The following WWC2 variants were observed in gnomAD, a reference collection of about 807,000 sequenced individuals.
WWC2 encodes the protein WW and C2 domain containing 2, also known as protein WWC2.
WWC2 carries 101 observed loss-of-function variants against 138.5 expected under a neutral mutation model. The observed-to-expected ratio is 0.73, with a 90% CI of 0.62 to 0.86. The LOEUF (loss-of-function observed/expected upper bound fraction) is 0.86, where lower values mean the gene tolerates loss of function less well. WWC2 is among the 40% of genes least tolerant of loss of function. The pLI, the probability that WWC2 is intolerant of heterozygous loss-of-function variation, is 0.00. For synonymous variants in WWC2, 558 were observed against 538.4 expected (o/e 1.04, Z -0.50); for missense variants, 1,420 against 1,419.4 (o/e 1.00, Z -0.01).
At chr4:183,246,659 C>CGAG (rs1268582266) in intron 6 of WWC2, among the ~76,000 whole-genome samples, 1 of 152,086 alleles carries the variant, frequency 6.6e-6, no homozygotes, top group Non-Finnish European at 1.5e-5. Flanking sequence ...AGCTTACAGA[C>CGAG]GAGGAAATTT....
chr4:183,101,401 A>G (rs934188599), intron 1 of WWC2, among the ~76,000 whole-genome samples: 2 of 152,226 alleles, frequency 1.3e-5, no homozygotes, highest in Admixed American at 6.5e-5. Context: ...AACTATTTTC[A>G]GGAAACTGGA....
intron 21 of WWC2, among the ~76,000 whole-genome samples, chr4:183,293,066 C>G (rs1217386658): frequency 6.6e-6 from 1 of 152,192 alleles, no homozygotes; most frequent in Non-Finnish European, 1.5e-5. Context: ...AGAGATTCTC[C>G]TGCCTCAGCT....
chr4:183,114,185 C>A (rs948427037), intron 1 of WWC2, among the ~76,000 whole-genome samples: 6 of 152,068 alleles, frequency 3.9e-5, no homozygotes, highest in Admixed American at 1.3e-4. Context: ...ACCTCCTCCC[C>A]CCGCCATCCT....
chr4:183,109,496 T>A (rs915110582), intron 1 of WWC2, among the ~76,000 whole-genome samples: 1 of 152,154 alleles, frequency 6.6e-6, no homozygotes, highest in Non-Finnish European at 1.5e-5. Context: ...AGGGATGGTT[T>A]CAGGCTGAAA....
Position 183,099,908 on chromosome 4 carries a change from T to C in WWC2, c.131+286T>C, listed in dbSNP as rs1050546636. Among the ~76,000 whole-genome samples, 21 of 152,334 alleles carry C rather than the reference T, an allele frequency of 1.4e-4. No homozygotes were observed. The East Asian group carries it at 3.9e-3, about 28-fold the overall frequency. On this transcript the variant is annotated intron_variant, in intron 1 of 22. Transcript: ENST00000403733. Reference sequence around the variant, plus strand: ...AGGCTAACGGACCCGAGGGGCCACCTGAGCCCTGTTAGGAACTTCCCTAGG... The same window carrying C: ...AGGCTAACGGACCCGAGGGGCCACCCGAGCCCTGTTAGGAACTTCCCTAGG...
intron 14 of WWC2, among the ~76,000 whole-genome samples, chr4:183,268,737 C>T (rs1007146578): frequency 5.3e-5 from 8 of 152,146 alleles, no homozygotes; most frequent in South Asian, 4.1e-4. Flanking sequence ...GCTGCAGTCT[C>T]GTGGTGAGTG....
chr4:183,122,008 A>C (rs971047579), intron 1 of WWC2, among the ~76,000 whole-genome samples: 2 of 151,840 alleles, frequency 1.3e-5, no homozygotes, highest in African/African-American at 4.8e-5. Context: ...GATGGTCTCG[A>C]TCTCCTGGCT....
At chr4:183,154,755 C>T (rs1299477979) in intron 1 of WWC2, among the ~76,000 whole-genome samples, 1 of 152,214 alleles carries the variant, frequency 6.6e-6, no homozygotes, top group Admixed American at 6.5e-5. Context: ...ATTCCCCTAT[C>T]TGCAGTTGTG....
At chr4:183,115,045 G>C (rs1187353513) in intron 1 of WWC2, among the ~76,000 whole-genome samples, 2 of 152,072 alleles carry the variant, frequency 1.3e-5, no homozygotes, top group African/African-American at 4.8e-5. Context: ...TCTCAAATAG[G>C]CTGTGATGTC....
intron 5 of WWC2, 28 bp downstream of exon 5, chr4:183,240,290 T>C (rs1419897657): frequency 2.7e-6 from 4 of 1,501,470 alleles, no homozygotes; most frequent in Admixed American, 4.3e-5. Context: ...GAATCAACTT[T>C]AGAATAAGCT....
At chr4:183,288,585 A>C (rs779523460) in intron 20 of WWC2, among the ~76,000 whole-genome samples, 1 of 152,200 alleles carries the variant, frequency 6.6e-6, no homozygotes, top group Non-Finnish European at 1.5e-5. Flanking sequence ...CTCTCGCTTA[A>C]GGCCTCATGT....
intron 16 of WWC2, among the ~76,000 whole-genome samples, chr4:183,272,121 T>G (rs1737711748): frequency 1.3e-5 from 2 of 152,226 alleles, no homozygotes; most frequent in Admixed American, 6.5e-5. Flanking sequence ...TTGTGGTTAT[T>G]GTTATTGAGT....
chr4:183,304,135 C>A (rs1738950631), intron 21 of WWC2, among the ~76,000 whole-genome samples: 1 of 152,104 alleles, frequency 6.6e-6, no homozygotes, highest in South Asian at 2.1e-4. Flanking sequence ...AAAATCAATT[C>A]TTCTTAGATC....
chr4:183,311,735 C>G (rs896039580), intron 21 of WWC2, among the ~76,000 whole-genome samples: 2 of 151,998 alleles, frequency 1.3e-5, no homozygotes, highest in African/African-American at 2.4e-5. Context: ...CACCACCACA[C>G]CCGGCTAATT....
At chr4:183,232,596 A>G (rs992129729) in intron 4 of WWC2, among the ~76,000 whole-genome samples, 22 of 152,174 alleles carry the variant, frequency 1.4e-4, no homozygotes, top group Admixed American at 3.3e-4. Context: ...TGTGGCATGT[A>G]TTAGAACTTC....
intron 8 of WWC2, among the ~76,000 whole-genome samples, chr4:183,250,729 T>C (rs1453104987): frequency 6.6e-6 from 1 of 152,198 alleles, no homozygotes; most frequent in African/African-American, 2.4e-5. Flanking sequence ...ATTTTCCTCA[T>C]AAGAGCTTTA....
At position 183,319,859 on chromosome 4, in the gene WWC2, G is replaced by A. The variant is rs779869975; in HGVS notation, c.*4130G>A. On this transcript the variant is annotated 3_prime_UTR_variant, in exon 23 of 23. Coordinates refer to ENST00000403733, the MANE Select transcript of WWC2 (RefSeq NM_024949.6). ...AGGCCCAGGACAGAATTCCTCCCAG[G>A]ATCAGCAGTCGCCTCTTGAGATCTC... The A allele has an allele frequency of 7.8e-5, 126 of 1,613,614 alleles. 3 individuals carry two copies. The highest frequency in any genetic ancestry group is 3.2e-4 in the African/African-American group (24 of 74,966).
chr4:183,161,397 A>G (rs1056277403), intron 1 of WWC2, among the ~76,000 whole-genome samples: 1 of 152,170 alleles, frequency 6.6e-6, no homozygotes, highest in Non-Finnish European at 1.5e-5. Context: ...CTGTAGCTGA[A>G]TTTTGGAAGA....
In WWC2 at chr4:183,276,848, C is replaced by G. The variant is rs542445900; in HGVS notation, c.2563-3928C>G. 6.6e-5 allele frequency among the ~76,000 whole-genome samples: 10 copies of G among 152,062 alleles called. No homozygotes were observed. The East Asian group carries it at 1.9e-3, about 29-fold the overall frequency. ...GTTTTTTTGCTGCATATTCAGAATT[C>G]TAGGTCTGCCGTTATTTCTTTGAAC... is the stretch of plus-strand genomic sequence containing the variant. On this transcript the variant is annotated intron_variant, in intron 16 of 22. Transcript: ENST00000403733.
Sources: allele counts gnomAD v4.1 joint callset (sites outside exome capture counted in the v4.1 genomes callset), GRCh38; gene constraint gnomAD v4.1.1; transcripts MANE v1.5; gene names NCBI Gene and HGNC (gene_info 2026-07-23, HGNC 2026-07-21).